The following SLIT3 variants were observed in gnomAD, a reference collection of about 807,000 sequenced individuals.
SLIT3 encodes slit guidance ligand 3, also known as slit homolog 3 protein.
SLIT3 carries 68 observed loss-of-function variants against 184.0 expected under a neutral mutation model. That is an observed-to-expected ratio of 0.37 (90% CI 0.30 to 0.45). The LOEUF is 0.45. Among genes scored for constraint, SLIT3 ranks in the 20% least tolerant of loss-of-function variants. The pLI is 1.00. For synonymous variants in SLIT3, 831 were observed against 828.6 expected (o/e 1.00, Z -0.05); for missense variants, 1,707 against 2,026.0 (o/e 0.84, Z 3.02).
At chr5:168,997,756 C>T (rs1581280854) in intron 4 of SLIT3, among the ~76,000 whole-genome samples, 1 of 152,274 alleles carries the variant, frequency 6.6e-6, no homozygotes, top group African/African-American at 2.4e-5. Context: ...TAGGTAGCAA[C>T]TGGCACGGCA....
intron 23 of SLIT3, among the ~76,000 whole-genome samples, chr5:168,718,677 TACACACACACACAC>T (rs1163238928): frequency 0.016 from 1,780 of 108,670 alleles, 43 homozygotes; most frequent in African/African-American, 0.054. Flanking sequence ...TATCCACCCA[TACACACACACACAC>T]ACACACACAC....
chr5:169,056,532 A>G (rs1206086387), intron 4 of SLIT3, among the ~76,000 whole-genome samples: 1 of 152,070 alleles, frequency 6.6e-6, no homozygotes, highest in Non-Finnish European at 1.5e-5. Context: ...TTTGACTTAC[A>G]AATTATTTAG....
intron 3 of SLIT3, among the ~76,000 whole-genome samples, chr5:169,242,914 A>C (rs1471971720): frequency 6.6e-6 from 1 of 151,984 alleles, no homozygotes; most frequent in East Asian, 1.9e-4. Flanking sequence ...TTTATGCGAG[A>C]GGCTACTCTC....
chr5:168,958,768 T>C (rs1446911936), intron 4 of SLIT3, among the ~76,000 whole-genome samples: 2 of 152,244 alleles, frequency 1.3e-5, no homozygotes, highest in African/African-American at 4.8e-5. Context: ...TTGTGTGTGC[T>C]GTGGTGGAAG....
intron 16 of SLIT3, among the ~76,000 whole-genome samples, chr5:168,756,496 C>A (rs1754951007): frequency 6.6e-6 from 1 of 152,164 alleles, no homozygotes; most frequent in Non-Finnish European, 1.5e-5. Flanking sequence ...CCCATCCTGC[C>A]AGGAAAACAG....
chr5:168,671,521 T>C (rs1561866578), intron 33 of SLIT3, 38 bp from the exon 34 acceptor site: 1 of 1,578,196 alleles, frequency 6.3e-7, no homozygotes, highest in South Asian at 1.2e-5. Flanking sequence ...CTGAAGACCC[T>C]CCCCTGCCAC....
chr5:168,975,366 G>C (rs1754714448), intron 4 of SLIT3, among the ~76,000 whole-genome samples: 1 of 152,108 alleles, frequency 6.6e-6, no homozygotes, highest in Admixed American at 6.6e-5. Flanking sequence ...CATCATCAGG[G>C]CCAGTCTCAC....
intron 5 of SLIT3, among the ~76,000 whole-genome samples, chr5:168,866,860 A>G (rs908794866): frequency 6.6e-6 from 1 of 152,168 alleles, no homozygotes; most frequent in Non-Finnish European, 1.5e-5. Context: ...GTTAGTGCTA[A>G]CTCTTTTACA....
At chr5:169,281,874 T>C (rs1767007522) in intron 1 of SLIT3, among the ~76,000 whole-genome samples, 2 of 71,058 alleles carry the variant, frequency 2.8e-5, no homozygotes, top group African/African-American at 8.2e-5. Context: ...AGAGGTAATT[T>C]TCCCCCCCAG....
chr5:169,278,788 G>C (rs1766900406), intron 1 of SLIT3, among the ~76,000 whole-genome samples: 1 of 152,118 alleles, frequency 6.6e-6, no homozygotes, highest in Non-Finnish European at 1.5e-5. Context: ...GCTCATTTTG[G>C]CAAGGGGTTT....
chr5:168,871,230 T>A (rs777462167), intron 5 of SLIT3, among the ~76,000 whole-genome samples: 24 of 152,204 alleles, frequency 1.6e-4, no homozygotes, highest in Non-Finnish European at 3.2e-4. Flanking sequence ...ACCCTTCTGA[T>A]TACATTGGAT....
rs977347476 is a variant in SLIT3 at position 169,014,187 on chromosome 5, T to C, written c.414-130851A>G. ...TTATGACACACTCATGGAGTGAACA[T>C]AATCTTTGTGGCATGATACAAAGGG... On this transcript the variant is annotated intron_variant, in intron 4 of 35. Coordinates refer to ENST00000519560, the MANE Select transcript of SLIT3 (RefSeq NM_003062.4). Among the ~76,000 whole-genome samples, 3 of 152,270 alleles carry C rather than the reference T, an allele frequency of 2.0e-5. No homozygotes were observed. In the South Asian group the frequency reaches 6.2e-4, roughly 32 times the overall value.
chr5:169,160,594 C>T (rs1345235896), intron 4 of SLIT3, among the ~76,000 whole-genome samples: 1 of 152,024 alleles, frequency 6.6e-6, no homozygotes, highest in Non-Finnish European at 1.5e-5. Context: ...TCAATCAGTC[C>T]CCTCATTCAC....
intron 3 of SLIT3, among the ~76,000 whole-genome samples, chr5:169,203,048 C>T (rs559192972): frequency 5.9e-5 from 9 of 152,210 alleles, no homozygotes; most frequent in African/African-American, 2.2e-4. Context: ...GGACAAGAGT[C>T]CTGTCTACAC....
intron 4 of SLIT3, among the ~76,000 whole-genome samples, chr5:169,015,931 AACACACACAC>A (rs3138760): frequency 0.032 from 3,873 of 120,332 alleles, 88 homozygotes; most frequent in African/African-American, 0.061. Flanking sequence ...GAAAAATATA[AACACACACAC>A]ACACACACAC....
intron 13 of SLIT3, 74 bp from the exon 14 acceptor site, chr5:168,773,018 G>T: frequency 6.9e-7 from 1 of 1,449,128 alleles, no homozygotes; most frequent in Non-Finnish European, 9.3e-7. Flanking sequence ...CCTGCCTCGC[G>T]CTGGGCCCTG....
chr5:168,917,423 A>G (rs1354163551), intron 4 of SLIT3, among the ~76,000 whole-genome samples: 1 of 152,208 alleles, frequency 6.6e-6, no homozygotes, highest in African/African-American at 2.4e-5. Context: ...ACAGGCATGG[A>G]AAGAACTGGT....
At chr5:169,190,950 C>G (rs1183560999) in intron 4 of SLIT3, among the ~76,000 whole-genome samples, 1 of 152,174 alleles carries the variant, frequency 6.6e-6, no homozygotes, top group Admixed American at 6.5e-5. Flanking sequence ...AAAGGGATTG[C>G]TGATTATAGC....
chr5:168,808,764 T>C (rs79980414), intron 8 of SLIT3, among the ~76,000 whole-genome samples: 4,063 of 152,292 alleles, frequency 0.027, 216 homozygotes, highest in African/African-American at 0.093. Context: ...GCAAAGGGAA[T>C]TCTACGGTGT....
Sources: gnomAD v4.1 joint callset for allele counts (sites outside exome capture counted in the v4.1 genomes callset) on GRCh38, gnomAD v4.1.1 for gene constraint, MANE v1.5 for transcripts, NCBI Gene and HGNC (gene_info 2026-07-23, HGNC 2026-07-21) for gene names.